Variants in PIEZO1 observed in about 807,000 individuals in gnomAD.
PIEZO1 encodes the protein piezo-type mechanosensitive ion channel component 1.
Under a neutral mutation model 297.2 loss-of-function variants are expected in PIEZO1, and 296 were observed. The observed-to-expected ratio is 1.00, with a 90% CI of 0.91 to 1.10. The LOEUF (loss-of-function observed/expected upper bound fraction) is 1.10. Among genes scored for constraint, PIEZO1 ranks in the 50% least tolerant of loss-of-function variants. The pLI, the probability that PIEZO1 is intolerant of heterozygous loss-of-function variation, is 0.00. For missense variants in PIEZO1, 5,018 were observed against 3,455.5 expected, an observed-to-expected ratio of 1.45 and a Z score of -11.34; for synonymous variants, 2,427 against 1,507.5, an observed-to-expected ratio of 1.61 and a Z score of -14.13.
intron 21 of PIEZO1, 142 bp downstream of exon 21, chr16:88,732,193 C>G (rs557491171): frequency 3.4e-5 from 23 of 683,492 alleles, no homozygotes; most frequent in African/African-American, 2.0e-4. Context: ...CCAGGGAAGC[C>G]GTGCCTGGCC....
Position 88,733,896 on chromosome 16 carries a change from C to T in PIEZO1, c.2329+10G>A. ...CTGGGTGGCAGCTGTGCTCTGCCCG[C>T]CCAACCCACCTTCAGGCACCTGCGT... On this transcript the variant is annotated intron_variant, in intron 17 of 50. Coordinates refer to ENST00000301015, the MANE Select transcript of PIEZO1 (RefSeq NM_001142864.4). 6.7e-7 allele frequency: 1 copy of T among 1,486,082 alleles called. No individual in the cohort carries two copies. Among genetic ancestry groups the T allele is most frequent in the Non-Finnish European group, 9.0e-7 (1 of 1,111,340 alleles). The allele number at this position is 1,486,082 out of a possible 1,614,324, so 92.1% of individuals were successfully genotyped here.
In PIEZO1 at chr16:88,722,037, G is replaced by T. The variant is rs1166461871; in HGVS notation, c.4985C>A (p.Ala1662Glu). Residue 1662 changes from alanine to glutamate, a missense_variant, in exon 37 of 51, where the codon GCA becomes GAA. Physicochemically the swap from Ala to Glu is moderately radical, Grantham distance 107. Transcript: ENST00000301015. The stretch of plus-strand genomic sequence containing the variant: ...GCCCTGCCCCTCCGCAAACAGCTCT[G>T]CCTCCTCCAGCTCTGGGATGCGCAG... Reference protein sequence around the residue: ...RRLRIPELEEAELFAEGQGRA... With the variant: ...RRLRIPELEEEELFAEGQGRA... 1 of 1,547,632 alleles carries T rather than the reference G, an allele frequency of 6.5e-7. No individual in the cohort carries two copies. Among genetic ancestry groups the T allele is most frequent in the Admixed American group, 2.0e-5 (1 of 50,956 alleles).
rs766189231 is a variant in PIEZO1, at chr16:88,719,787, C to A, written c.6323+15G>T. The A allele has an allele frequency of 7.1e-6, 11 of 1,550,308 alleles. No individual in the cohort carries two copies. The highest frequency in any genetic ancestry group is 8.7e-6 in the Non-Finnish European group (10 of 1,146,830). On this transcript the variant is annotated intron_variant, in intron 43 of 50. Transcript: ENST00000301015. ...GCCCGGGCCGTGACCCCCACCCCGG[C>A]GGACCTGCACTCACCCCTGGAAGAG...
intron 1 of PIEZO1, among the ~76,000 whole-genome samples, chr16:88,772,532 G>A (rs1907470902): frequency 6.6e-6 from 1 of 152,178 alleles, no homozygotes; most frequent in East Asian, 1.9e-4. Flanking sequence ...TGTAATCCCA[G>A]CACTTTGGGA....
At chr16:88,749,309 T>C (rs1409103602) in intron 2 of PIEZO1, 75 bp downstream of exon 2, 1 of 932,770 alleles carries the variant, frequency 1.1e-6, no homozygotes, top group South Asian at 1.8e-5. Flanking sequence ...TGAGGAAAGC[T>C]GTACGAATTT....
At chr16:88,716,782 T>G in intron 46 of PIEZO1, 24 bp downstream of exon 46, 1 of 1,549,580 alleles carries the variant, frequency 6.5e-7, no homozygotes, top group Non-Finnish European at 8.7e-7. Flanking sequence ...CCACACCAGC[T>G]TTCACAGGGC....
chr16:88,769,596 G>A (rs188473205), intron 1 of PIEZO1, among the ~76,000 whole-genome samples: 16 of 152,314 alleles, frequency 1.1e-4, no homozygotes, highest in African/African-American at 2.6e-4. Context: ...CACATCGGCC[G>A]GCTCCATTCC....
intron 1 of PIEZO1, among the ~76,000 whole-genome samples, chr16:88,761,455 G>A (rs969153052): frequency 5.9e-5 from 9 of 152,204 alleles, no homozygotes; most frequent in African/African-American, 1.2e-4. Flanking sequence ...CCAGCGGCAC[G>A]GCCCGAGGCA....
intron 1 of PIEZO1, among the ~76,000 whole-genome samples, chr16:88,763,714 T>C (rs1039458208): frequency 6.6e-6 from 1 of 152,178 alleles, no homozygotes; most frequent in Non-Finnish European, 1.5e-5. Context: ...AGAGGCCGCA[T>C]GGACCACAAT....
chr16:88,733,221 C>T (rs1597456401), intron 19 of PIEZO1, 57 bp downstream of exon 19: 9 of 1,470,616 alleles, frequency 6.1e-6, no homozygotes, highest in African/African-American at 1.4e-5. Flanking sequence ...GAGGGTCGGG[C>T]TGCGAATACA....
At chr16:88,717,246 C>CT in intron 44 of PIEZO1, 35 bp from the exon 45 acceptor site, 13 of 1,526,996 alleles carry the variant, frequency 8.5e-6, no homozygotes, top group Non-Finnish European at 1.1e-5. Context: ...ACGCTCAGCT[C>CT]TGCCCTTCCT....
At chr16:88,745,278 G>C (rs1020646595) in intron 2 of PIEZO1, 9 of 152,266 alleles carry the variant, frequency 5.9e-5, no homozygotes, top group Non-Finnish European at 1.3e-4. Context: ...AAGGGAGTGA[G>C]AGGAGGCTCA....
In PIEZO1 at chr16:88,726,785, G is replaced by T; in HGVS notation, c.3629C>A (p.Ala1210Asp). The change falls in exon 25 of 51, where the codon GCC (alanine) becomes GAC (aspartate). Residue 1210 changes from alanine (A) to aspartate (D), a missense_variant. Coordinates refer to ENST00000301015, the MANE Select transcript of PIEZO1 (RefSeq NM_001142864.4). ...GTALLQRDTR[A>D]RLVLWDCLIL... ...GAGGCAGTCCCACAGCACGAGGCGG[G>T]CCCGTGTGTCCCTCTGCAGCAGGGC... The T allele has an allele frequency of 3.9e-6, 6 of 1,550,204 alleles. No individual in the cohort carries two copies. Among genetic ancestry groups the T allele is most frequent in the Non-Finnish European group, 5.2e-6 (6 of 1,146,858 alleles).
chr16:88,734,040 C>T lies in PIEZO1; in HGVS notation c.2195G>A (p.Ser732Asn), dbSNP rs1475224367. The T allele has an allele frequency of 1.2e-5, 19 of 1,529,664 alleles. No homozygotes were observed. The highest frequency in any genetic ancestry group is 1.7e-4 in the Middle Eastern group (1 of 5,910). 94.8% of individuals were successfully genotyped at this position (1,529,664 alleles called of 1,614,324 possible). A position where few individuals can be genotyped will look rare whatever the true frequency, so the allele number is the denominator to read the frequency against. ...CTCCTCCCGCAGCAGTGGGGTCCCA[C>T]TCACTGCATCCTGCCTGGGAGAGGG... ...PRWAHRQDAV[S>N]GTPLLREEQQ... The change falls in exon 17 of 51, where the codon AGT becomes AAT. Residue 732 changes from serine to asparagine, a missense_variant. Ser to Asn is a conservative substitution (Grantham distance 46). Coordinates refer to ENST00000301015, the MANE Select transcript of PIEZO1 (RefSeq NM_001142864.4).
At position 88,726,862 on chromosome 16, in the gene PIEZO1, G is replaced by C; in HGVS notation, c.3552C>G (p.Ile1184Met). ...VFVTGATRIS[I>M]FGLGYLLACF... is the part of the protein sequence containing the mutation. ...AGGCCAGCAGGTAGCCCAGCCCGAA[G>C]ATGCTGATGCGGGTGGCCCCCGTGA... The change falls in exon 25 of 51, where the codon ATC (isoleucine) becomes ATG (methionine). Residue 1184 changes from isoleucine to methionine, a missense_variant. By Grantham distance (10) the Ile-to-Met change is conservative. Coordinates refer to ENST00000301015, the MANE Select transcript of PIEZO1 (RefSeq NM_001142864.4). 3 of 1,550,414 alleles carry C rather than the reference G, an allele frequency of 1.9e-6. No individual in the cohort carries two copies. Among genetic ancestry groups the C allele is most frequent in the Non-Finnish European group, 2.6e-6 (3 of 1,146,922 alleles).
At chr16:88,776,025 G>A (rs555227828) in intron 1 of PIEZO1, among the ~76,000 whole-genome samples, 2 of 152,360 alleles carry the variant, frequency 1.3e-5, no homozygotes, top group East Asian at 3.9e-4. Context: ...CCGTGGGGCA[G>A]TCGGGGCCTC....
At chr16:88,773,852 C>G (rs1567695531) in intron 1 of PIEZO1, among the ~76,000 whole-genome samples, 1 of 152,136 alleles carries the variant, frequency 6.6e-6, no homozygotes, top group Non-Finnish European at 1.5e-5. Flanking sequence ...CCCTCCAGTG[C>G]AGGGCCCCAC....
rs371059988 is a variant in PIEZO1, at chr16:88,720,744, A to C, written c.5673T>G (p.Ala1891=). 7 of 1,490,336 alleles carry C rather than the reference A, an allele frequency of 4.7e-6. No homozygotes were observed. The African/African-American group carries it at 5.7e-5, about 12-fold the overall frequency. 92.3% of individuals were successfully genotyped at this position (1,490,336 alleles called of 1,614,324 possible). Residue 1891 remains alanine, a synonymous_variant, in exon 40 of 51, where the codon GCT becomes GCG. Transcript: ENST00000301015. ...CCCCCTCTTCTTCCTCCCTGTCCTCAGCTTCTGTAGGGAAAAGCTGACTTC... is the reference window on the plus strand; with the variant it reads ...CCCCCTCTTCTTCCTCCCTGTCCTCCGCTTCTGTAGGGAAAAGCTGACTTC... ...PARKGAAAIE[A]EDREEEEGEE...
Position 88,731,924 on chromosome 16 carries a change from A to AGTCTGGGGGGAT in PIEZO1, c.2992-15_2992-14insATCCCCCCAGAC. On this transcript the variant is annotated splice_polypyrimidine_tract_variant and intron_variant, in intron 21 of 50. Coordinates refer to ENST00000301015, the MANE Select transcript of PIEZO1 (RefSeq NM_001142864.4). ...CAGGAAGCAGATCTGGGGAGGGGAG[A>AGTCTGGGGGGAT]GGGCGGGGTGTGGGGATGCACTGAG... 1 of 513,038 alleles carries AGTCTGGGGGGAT rather than the reference A, an allele frequency of 1.9e-6. No individual in the cohort carries two copies. Among genetic ancestry groups the AGTCTGGGGGGAT allele is most frequent in the Non-Finnish European group, 2.6e-6 (1 of 378,206 alleles). The allele number at this position is 513,038 out of a possible 1,614,324, so 31.8% of individuals were successfully genotyped here. A position where few individuals can be genotyped will look rare whatever the true frequency, so the allele number is the denominator to read the frequency against.
Sources: gnomAD v4.1 joint callset for allele counts (sites outside exome capture counted in the v4.1 genomes callset) on GRCh38, gnomAD v4.1.1 for gene constraint, MANE v1.5 for transcripts, NCBI Gene and HGNC (gene_info 2026-07-23, HGNC 2026-07-21) for gene names.